Variants in RANBP2 observed in about 807,000 individuals in gnomAD.
RANBP2 encodes RAN binding protein 2.
In RANBP2, 57 loss-of-function variants were observed where a neutral mutation model predicts 303.6. The ratio of observed to expected loss-of-function variants is 0.19; its 90% CI spans 0.15 to 0.23. The LOEUF (loss-of-function observed/expected upper bound fraction) is 0.23, where lower values mean the gene tolerates loss of function less well. Among genes scored for constraint, RANBP2 ranks in the 10% least tolerant of loss-of-function variants. The probability of loss-of-function intolerance (pLI) is 1.00; values close to 1 mark genes in which losing one functional copy is unlikely to be tolerated. For missense variants in RANBP2, 3,138 were observed against 3,780.8 expected (o/e 0.83, Z 4.46); for synonymous variants, 1,167 against 1,301.5 (o/e 0.90, Z 2.23).
At chr2:109,397,898 G>A in the RANBP2 span, among the ~76,000 whole-genome samples, 2 of 152,216 alleles carry the variant, frequency 1.3e-5, no homozygotes, top group South Asian at 4.1e-4. Flanking sequence ...TGCGCACAAC[G>A]CCTGCTATCT....
chr2:108,975,782 G>C, the RANBP2 span, among the ~76,000 whole-genome samples: 2 of 152,138 alleles, frequency 1.3e-5, no homozygotes, highest in African/African-American at 4.8e-5. Flanking sequence ...GCCAGGCTCC[G>C]TGCGGCATCA....
the RANBP2 span, chr2:109,668,106 A>AAAC: frequency 2.6e-5 from 4 of 153,228 alleles, no homozygotes; most frequent in African/African-American, 9.6e-5. Context: ...AGCCCAAGAG[A>AAAC]TGTTCCTGTT....
At chr2:109,147,285 G>A in the RANBP2 span, among the ~76,000 whole-genome samples, 2 of 152,218 alleles carry the variant, frequency 1.3e-5, no homozygotes, top group African/African-American at 4.8e-5. Flanking sequence ...TGGGGAGGTG[G>A]TGCTGCTCTC....
At chr2:109,408,567 G>C in the RANBP2 span, among the ~76,000 whole-genome samples, 1 of 152,228 alleles carries the variant, frequency 6.6e-6, no homozygotes, top group East Asian at 1.9e-4. Flanking sequence ...CCTCCCATTC[G>C]CTGTCCCCTC....
chr2:109,590,375 C>G, the RANBP2 span, among the ~76,000 whole-genome samples: 16 of 151,850 alleles, frequency 1.1e-4, no homozygotes, highest in African/African-American at 3.1e-4. Flanking sequence ...ACCAGTCAGT[C>G]TTCGGAAGGG....
chr2:109,300,188 G>A, the RANBP2 span, among the ~76,000 whole-genome samples: 2 of 151,962 alleles, frequency 1.3e-5, no homozygotes, highest in African/African-American at 4.8e-5. Flanking sequence ...CTCTCGAGAG[G>A]GCATCCTGAA....
chr2:109,636,797 G>A, the RANBP2 span, among the ~76,000 whole-genome samples: 1 of 152,104 alleles, frequency 6.6e-6, no homozygotes, highest in Non-Finnish European at 1.5e-5. Flanking sequence ...AATTAGCCAG[G>A]CGTGTTGGTG....
the RANBP2 span, among the ~76,000 whole-genome samples, chr2:109,506,869 C>A: frequency 6.6e-6 from 1 of 152,098 alleles, no homozygotes; most frequent in Admixed American, 6.5e-5. Flanking sequence ...ATGGGGAAAC[C>A]GAGGCACCAC....
At chr2:108,966,418 C>G in the RANBP2 span, among the ~76,000 whole-genome samples, 3 of 152,262 alleles carry the variant, frequency 2.0e-5, no homozygotes, top group Admixed American at 2.0e-4. Context: ...GCAGGCAGAG[C>G]TCCTCTGGAG....
the RANBP2 span, among the ~76,000 whole-genome samples, chr2:109,400,211 C>T: frequency 3.9e-5 from 6 of 152,210 alleles, no homozygotes; most frequent in African/African-American, 7.2e-5. Flanking sequence ...CCTACACACA[C>T]TTGCACACAT....
the RANBP2 span, among the ~76,000 whole-genome samples, chr2:108,959,404 G>A: frequency 1.1e-4 from 16 of 152,372 alleles, no homozygotes; most frequent in Non-Finnish European, 1.5e-4. Flanking sequence ...TGCAGGGGAC[G>A]CTGGGCTGTG....
In RANBP2 at chr2:108,763,745, T is replaced by C; in HGVS notation, c.3206T>C (p.Leu1069Pro). 1 of 1,614,064 alleles carries C rather than the reference T, an allele frequency of 6.2e-7. No individual in the cohort carries two copies. The highest frequency in any genetic ancestry group is 8.5e-7 in the Non-Finnish European group (1 of 1,179,962). The change falls in exon 20 of 29, where the codon CTC becomes CCC. Residue 1069 changes from leucine to proline, a missense_variant. By Grantham distance (98) the Leu-to-Pro change is moderately conservative. Transcript: ENST00000283195. ...AGTAACAGTGAAAGCCTTTTAGGTC[T>C]CCTGACTTCAGATAAACCCTTGCAA... ...AYSNSESLLG[L>P]LTSDKPLQGD...
chr2:109,325,331 C>CTTTTTT, the RANBP2 span, among the ~76,000 whole-genome samples: 5 of 66,254 alleles, frequency 7.5e-5, no homozygotes, highest in South Asian at 7.2e-4. Flanking sequence ...TTCTTTCTTT[C>CTTTTTT]TTTTTTTTTT....
At chr2:109,207,831 T>G in the RANBP2 span, among the ~76,000 whole-genome samples, 1 of 152,210 alleles carries the variant, frequency 6.6e-6, no homozygotes, top group African/African-American at 2.4e-5. Flanking sequence ...TTAAAAAAAA[T>G]TAAACTATAC....
At chr2:109,506,933 G>A in the RANBP2 span, among the ~76,000 whole-genome samples, 9 of 152,180 alleles carry the variant, frequency 5.9e-5, no homozygotes, top group South Asian at 2.1e-4. Context: ...GTTCAGCCCC[G>A]TGCTCAGCCA....
At chr2:109,376,937 G>A in the RANBP2 span, among the ~76,000 whole-genome samples, 1 of 152,256 alleles carries the variant, frequency 6.6e-6, no homozygotes, top group East Asian at 1.9e-4. Flanking sequence ...TCTGCAATGT[G>A]AGGACAGACA....
At chr2:108,967,305 A>G in the RANBP2 span, among the ~76,000 whole-genome samples, 1 of 152,168 alleles carries the variant, frequency 6.6e-6, no homozygotes, top group African/African-American at 2.4e-5. Context: ...GAAAAACAGG[A>G]AAAAAACATG....
chr2:109,706,193 A>C, the RANBP2 span, among the ~76,000 whole-genome samples: 4 of 152,208 alleles, frequency 2.6e-5, no homozygotes, highest in African/African-American at 4.8e-5. Context: ...AGAGCAGCAG[A>C]CCAGGAGCTC....
intron 28 of RANBP2, among the ~76,000 whole-genome samples, chr2:108,783,381 A>C (rs2149335329): frequency 6.8e-6 from 1 of 147,040 alleles, no homozygotes. Context: ...TCAGTACTTG[A>C]GATCTAGTAG....
Sources: gnomAD v4.1 joint callset for allele counts (sites outside exome capture counted in the v4.1 genomes callset) on GRCh38, gnomAD v4.1.1 for gene constraint, MANE v1.5 for transcripts, NCBI Gene and HGNC (gene_info 2026-07-23, HGNC 2026-07-21) for gene names.